Variants in AKAP6 observed in about 807,000 individuals in gnomAD.
AKAP6 encodes the protein A-kinase anchoring protein 6.
AKAP6 carries 58 observed loss-of-function variants against 188.5 expected under a neutral mutation model. That is an observed-to-expected ratio of 0.31 (90% CI 0.25 to 0.38). The LOEUF (loss-of-function observed/expected upper bound fraction) is 0.38, where lower values mean the gene tolerates loss of function less well. AKAP6 is among the 10% of genes least tolerant of loss of function. The probability of loss-of-function intolerance (pLI) is 1.00; values close to 1 mark genes in which losing one functional copy is unlikely to be tolerated. For synonymous variants in AKAP6, 989 were observed against 998.6 expected, an observed-to-expected ratio of 0.99 and a Z score of 0.18; for missense variants, 2,710 against 2,740.0, an observed-to-expected ratio of 0.99 and a Z score of 0.24.
chr14:32,604,812 C>A (rs961577321), intron 7 of AKAP6, among the ~76,000 whole-genome samples: 11 of 152,134 alleles, frequency 7.2e-5, no homozygotes, highest in African/African-American at 2.7e-4. Context: ...ATATACAAGA[C>A]TTCATTTTCT....
chr14:32,797,251 A>G (rs576700272), intron 12 of AKAP6, among the ~76,000 whole-genome samples: 92 of 152,298 alleles, frequency 6.0e-4, no homozygotes, highest in African/African-American at 2.1e-3. Context: ...CAGAAATACC[A>G]TTTGACCCAG....
chr14:32,807,136 A>G (rs1007717609), intron 12 of AKAP6, among the ~76,000 whole-genome samples: 1 of 151,966 alleles, frequency 6.6e-6, no homozygotes, highest in East Asian at 1.9e-4. Context: ...GCTTGAGGCT[A>G]GGAGTTCCAG....
intron 12 of AKAP6, among the ~76,000 whole-genome samples, chr14:32,794,240 G>C (rs186474995): frequency 6.6e-6 from 1 of 152,020 alleles, no homozygotes; most frequent in Admixed American, 6.6e-5. Flanking sequence ...TGAATGACTC[G>C]GGTAAATAAT....
At chr14:32,787,163 G>A (rs1480584905) in intron 12 of AKAP6, among the ~76,000 whole-genome samples, 1 of 152,156 alleles carries the variant, frequency 6.6e-6, no homozygotes, top group African/African-American at 2.4e-5. Context: ...CTAAGAACTC[G>A]AGGAAATTTG....
At chr14:32,428,288 C>T (rs573491287) in intron 1 of AKAP6, among the ~76,000 whole-genome samples, 1 of 152,262 alleles carries the variant, frequency 6.6e-6, no homozygotes, top group South Asian at 2.1e-4. Flanking sequence ...GTCCACTCAT[C>T]ACTGCTTGTT....
intron 2 of AKAP6, among the ~76,000 whole-genome samples, chr14:32,492,378 AGAGAGG>A (rs1265908977): frequency 1.4e-5 from 2 of 143,128 alleles, no homozygotes; most frequent in Non-Finnish European, 3.1e-5. Flanking sequence ...AGAGAGAGAG[AGAGAGG>A]CATTTGGATA....
At chr14:32,561,094 A>G (rs1883937905) in intron 4 of AKAP6, among the ~76,000 whole-genome samples, 1 of 152,124 alleles carries the variant, frequency 6.6e-6, no homozygotes, top group African/African-American at 2.4e-5. Flanking sequence ...AATTATGAAA[A>G]CTTGAATAAG....
Position 32,600,662 on chromosome 14 carries a change from A to G in AKAP6, c.2600A>G (p.Gln867Arg). ...LKDMLRMIAS[Q>R]WKELQRQIKR... ...GACATGCTGCGGATGATTGCAAGTC[A>G]ATGGAAGGAGCTGCAGAGGCAAATC... Residue 867 changes from glutamine to arginine, a missense_variant, in exon 7 of 14, where the codon CAA (glutamine) becomes CGA (arginine). Transcript: ENST00000280979. The G allele has an allele frequency of 6.2e-7, 1 of 1,613,340 alleles. No homozygotes were observed. The highest frequency in any genetic ancestry group is 8.5e-7 in the Non-Finnish European group (1 of 1,179,656).
chr14:32,661,958 C>T (rs568594789), intron 7 of AKAP6, among the ~76,000 whole-genome samples: 1 of 151,918 alleles, frequency 6.6e-6, no homozygotes, highest in African/African-American at 2.4e-5. Flanking sequence ...ATCCTATTAC[C>T]AAGTGATTCC....
chr14:32,808,070 T>A (rs1271329902), intron 12 of AKAP6, among the ~76,000 whole-genome samples: 2 of 152,234 alleles, frequency 1.3e-5, no homozygotes, highest in African/African-American at 2.4e-5. Context: ...GACTAAAACA[T>A]CTCACATTCT....
chr14:32,723,849 AAG>A (rs2030699354), intron 9 of AKAP6, among the ~76,000 whole-genome samples: 1 of 152,192 alleles, frequency 6.6e-6, no homozygotes, highest in Non-Finnish European at 1.5e-5. Context: ...TAGAATATGA[AAG>A]AGAGAAGAGG....
chr14:32,344,917 A>G (rs1221741907), intron 1 of AKAP6, among the ~76,000 whole-genome samples: 2 of 71,272 alleles, frequency 2.8e-5, no homozygotes, highest in Admixed American at 2.3e-4. Context: ...CTCTGTCTTA[A>G]AAAAAAAAAA....
intron 7 of AKAP6, among the ~76,000 whole-genome samples, chr14:32,653,298 C>A (rs377602389): frequency 6.6e-6 from 1 of 152,054 alleles, no homozygotes; most frequent in East Asian, 1.9e-4. Context: ...GATTTGAACT[C>A]CACCCAAATA....
At chr14:32,678,831 C>T (rs1658838499) in intron 8 of AKAP6, among the ~76,000 whole-genome samples, 1 of 152,102 alleles carries the variant, frequency 6.6e-6, no homozygotes, top group South Asian at 2.1e-4. Context: ...GACTTTTAAA[C>T]ACCAGAACCA....
intron 2 of AKAP6, among the ~76,000 whole-genome samples, chr14:32,455,944 A>G (rs1244068451): frequency 1.3e-5 from 2 of 152,188 alleles, no homozygotes; most frequent in Non-Finnish European, 2.9e-5. Flanking sequence ...AAAGAAGGAC[A>G]TTCTGGAGTG....
chr14:32,453,575 C>CTTTTTTTTT lies in AKAP6; in HGVS notation c.324+19789_324+19797dup, dbSNP rs71115071. Among the ~76,000 whole-genome samples the CTTTTTTTTT allele has an allele frequency of 3.3e-3, 314 of 95,336 alleles. 58 individuals carry two copies. The highest frequency in any genetic ancestry group is 4.7e-3 in the Non-Finnish European group (220 of 46,564). The allele number at this position is 95,336 out of a possible 152,430, so 62.5% of individuals were successfully genotyped here. A position where few individuals can be genotyped will look rare whatever the true frequency, so the allele number is the denominator to read the frequency against. On this transcript the variant is annotated intron_variant, in intron 2 of 13. Coordinates refer to ENST00000280979, the MANE Select transcript of AKAP6 (RefSeq NM_004274.5). ...GTGGAGATAATAGAATTTTTCTTTT[C>CTTTTTTTTT]TTTTTTTTTTTTTTTTTTTTTTTTT...
chr14:32,505,138 G>A (rs1880805379), intron 2 of AKAP6, among the ~76,000 whole-genome samples: 1 of 152,032 alleles, frequency 6.6e-6, no homozygotes, highest in South Asian at 2.1e-4. Context: ...TTCCAGATAG[G>A]CACAGCAAAC....
intron 2 of AKAP6, among the ~76,000 whole-genome samples, chr14:32,446,261 G>A (rs1247241117): frequency 6.6e-6 from 1 of 152,138 alleles, no homozygotes; most frequent in African/African-American, 2.4e-5. Context: ...TGGACTTGAT[G>A]TGCTCAATTC....
intron 12 of AKAP6, among the ~76,000 whole-genome samples, chr14:32,807,427 G>A (rs1200103523): frequency 1.3e-5 from 2 of 152,096 alleles, no homozygotes; most frequent in Non-Finnish European, 1.5e-5. Flanking sequence ...TCCACTGAAA[G>A]TTCTGGGTTT....
Sources: gnomAD v4.1 joint callset for allele counts (sites outside exome capture counted in the v4.1 genomes callset) on GRCh38, gnomAD v4.1.1 for gene constraint, MANE v1.5 for transcripts, NCBI Gene and HGNC (gene_info 2026-07-23, HGNC 2026-07-21) for gene names.